Variants in XKR6 observed in about 807,000 individuals in gnomAD.
XKR6 encodes XK-related protein 6.
XKR6 carries 22 observed loss-of-function variants against 56.7 expected under a neutral mutation model. That is an observed-to-expected ratio of 0.39 (90% CI 0.28 to 0.55). The LOEUF (loss-of-function observed/expected upper bound fraction) is 0.55. XKR6 is among the 20% of genes least tolerant of loss of function. The pLI is 0.66. For missense variants in XKR6, 852 were observed against 889.0 expected (o/e 0.96, Z 0.53); for synonymous variants, 524 against 387.8 (o/e 1.35, Z -4.13).
At chr8:10,926,449 G>A (rs1287864069) in intron 1 of XKR6, among the ~76,000 whole-genome samples, 1 of 152,240 alleles carries the variant, frequency 6.6e-6, no homozygotes, top group Admixed American at 6.5e-5. Flanking sequence ...GATCCTGAAG[G>A]CACCCAGCCA....
intron 1 of XKR6, among the ~76,000 whole-genome samples, chr8:11,004,377 C>G (rs1157369052): frequency 1.3e-5 from 2 of 152,080 alleles, no homozygotes; most frequent in Non-Finnish European, 1.5e-5. Flanking sequence ...GAGGCTGAGG[C>G]AGAAGAATCA....
At chr8:11,087,851 AG>A (rs1797940879) in intron 1 of XKR6, among the ~76,000 whole-genome samples, 1 of 152,234 alleles carries the variant, frequency 6.6e-6, no homozygotes, top group South Asian at 2.1e-4. Flanking sequence ...CTCGAGGAGA[AG>A]GAGGAGGCAG....
chr8:10,974,974 A>T (rs370511476), intron 1 of XKR6, among the ~76,000 whole-genome samples: 42 of 152,220 alleles, frequency 2.8e-4, no homozygotes, highest in African/African-American at 1.0e-3. Flanking sequence ...ATCTCATGTG[A>T]TGTATATTTT....
chr8:10,924,089 T>C (rs112496011), intron 2 of XKR6, among the ~76,000 whole-genome samples: 1 of 152,236 alleles, frequency 6.6e-6, no homozygotes, highest in Admixed American at 6.5e-5. Context: ...TGTTGTTGCT[T>C]CCAGCCCCTC....
At chr8:11,060,699 A>G (rs543780095) in intron 1 of XKR6, among the ~76,000 whole-genome samples, 3 of 152,234 alleles carry the variant, frequency 2.0e-5, no homozygotes, top group Non-Finnish European at 4.4e-5. Flanking sequence ...CCGCTATTCA[A>G]TGCCTGCCTA....
chr8:11,051,122 C>T (rs998989656), intron 1 of XKR6, among the ~76,000 whole-genome samples: 1 of 152,136 alleles, frequency 6.6e-6, no homozygotes, highest in South Asian at 2.1e-4. Flanking sequence ...GCAGCCCTCT[C>T]CCTTGGCCTT....
intron 1 of XKR6, among the ~76,000 whole-genome samples, chr8:11,052,085 C>G (rs1799564141): frequency 6.6e-6 from 1 of 152,162 alleles, no homozygotes; most frequent in African/African-American, 2.4e-5. Context: ...GCCTCTCTGT[C>G]CCCTTCCCCA....
At chr8:11,004,511 C>T (rs1046721410) in intron 1 of XKR6, among the ~76,000 whole-genome samples, 3 of 151,844 alleles carry the variant, frequency 2.0e-5, no homozygotes, top group Non-Finnish European at 2.9e-5. Context: ...AATAAAGCTC[C>T]GGTGGGACAA....
chr8:11,123,943 G>A (rs1273940313), intron 1 of XKR6: 5 of 455,994 alleles, frequency 1.1e-5, no homozygotes, highest in African/African-American at 6.0e-5. Flanking sequence ...CATCGCAGCA[G>A]AGGATCGGCT....
intron 1 of XKR6, among the ~76,000 whole-genome samples, chr8:10,972,668 CACAG>C (rs1441521057): frequency 1.3e-5 from 2 of 152,164 alleles, no homozygotes; most frequent in Non-Finnish European, 2.9e-5. Flanking sequence ...GAGTCACATT[CACAG>C]ACAAAGTAGA....
intron 1 of XKR6, among the ~76,000 whole-genome samples, chr8:11,196,360 T>A (rs564533153): frequency 6.6e-6 from 1 of 152,314 alleles, no homozygotes; most frequent in Admixed American, 6.5e-5. Context: ...TATTGAACAC[T>A]GTTTTGAATT....
intron 1 of XKR6, among the ~76,000 whole-genome samples, chr8:11,042,874 T>A (rs945383799): frequency 2.0e-5 from 3 of 152,216 alleles, no homozygotes; most frequent in African/African-American, 7.2e-5. Flanking sequence ...TGGGCCTCCC[T>A]AGCACTTAGG....
chr8:11,130,953 G>C (rs147414843), intron 1 of XKR6, among the ~76,000 whole-genome samples: 2 of 152,070 alleles, frequency 1.3e-5, no homozygotes, highest in African/African-American at 4.8e-5. Context: ...CTAATTCTGA[G>C]CAGAAGACCA....
At chr8:11,181,453 G>C (rs1295063157) in intron 1 of XKR6, among the ~76,000 whole-genome samples, 1 of 152,138 alleles carries the variant, frequency 6.6e-6, no homozygotes, top group Non-Finnish European at 1.5e-5. Context: ...AGATTACAAA[G>C]TGACTATAGT....
At chr8:11,193,851 A>C (rs1011666132) in intron 1 of XKR6, among the ~76,000 whole-genome samples, 12 of 151,940 alleles carry the variant, frequency 7.9e-5, no homozygotes, top group Admixed American at 7.9e-4. Context: ...TACCACTAAA[A>C]ATTTTAAACA....
chr8:11,140,849 G>A (rs1382601160), intron 1 of XKR6, among the ~76,000 whole-genome samples: 1 of 138,794 alleles, frequency 7.2e-6, no homozygotes, highest in Non-Finnish European at 1.5e-5. Context: ...AGTGAGCCGA[G>A]ATCGCACTAC....
At chr8:11,158,203 A>T (rs142823276) in intron 1 of XKR6, among the ~76,000 whole-genome samples, 1 of 152,216 alleles carries the variant, frequency 6.6e-6, no homozygotes, top group African/African-American at 2.4e-5. Context: ...GGGGAAATAC[A>T]GTGTGCAATG....
At chr8:11,144,869 G>T (rs1202138820) in intron 1 of XKR6, among the ~76,000 whole-genome samples, 1 of 151,238 alleles carries the variant, frequency 6.6e-6, no homozygotes, top group Admixed American at 6.6e-5. Context: ...GGGGTAGGGA[G>T]GGGAAAGGAG....
At chr8:10,978,298 T>C (rs746764951) in intron 1 of XKR6, among the ~76,000 whole-genome samples, 1 of 152,250 alleles carries the variant, frequency 6.6e-6, no homozygotes, top group Admixed American at 6.5e-5. Context: ...TATTTAATGT[T>C]ATGCATTAAT....
Sources: allele counts gnomAD v4.1 joint callset (sites outside exome capture counted in the v4.1 genomes callset), GRCh38; gene constraint gnomAD v4.1.1; transcripts MANE v1.5; gene names NCBI Gene and HGNC (gene_info 2026-07-23, HGNC 2026-07-21).